Variants in NPAS3 observed in about 807,000 individuals in gnomAD.
NPAS3 encodes neuronal PAS domain-containing protein 3.
Under a neutral mutation model 73.1 loss-of-function variants are expected in NPAS3, and 14 were observed. The observed-to-expected ratio is 0.19, with a 90% CI of 0.13 to 0.30. NPAS3 has a LOEUF of 0.30. Among genes scored for constraint, NPAS3 ranks in the 10% least tolerant of loss-of-function variants. NPAS3 has a pLI of 1.00. For missense variants in NPAS3, 1,096 were observed against 1,250.0 expected, an observed-to-expected ratio of 0.88 and a Z score of 1.86; for synonymous variants, 620 against 541.5, an observed-to-expected ratio of 1.14 and a Z score of -2.01.
At chr14:33,066,421 C>G (rs764746734) in intron 2 of NPAS3, among the ~76,000 whole-genome samples, 1 of 152,062 alleles carries the variant, frequency 6.6e-6, no homozygotes, top group Non-Finnish European at 1.5e-5. Flanking sequence ...TTATATGATG[C>G]TTGTAGGAAT....
intron 2 of NPAS3, among the ~76,000 whole-genome samples, chr14:33,201,858 T>A (rs2046631724): frequency 6.6e-6 from 1 of 152,182 alleles, no homozygotes; most frequent in African/African-American, 2.4e-5. Flanking sequence ...CTTTCCTCCA[T>A]CTGAGAACTC....
At chr14:33,198,100 G>C (rs1400979586) in intron 2 of NPAS3, among the ~76,000 whole-genome samples, 2 of 152,076 alleles carry the variant, frequency 1.3e-5, no homozygotes, top group Non-Finnish European at 2.9e-5. Context: ...CCTCCCAGTG[G>C]GGGGTTCGTG....
At chr14:33,615,308 T>G (rs999987726) in intron 5 of NPAS3, among the ~76,000 whole-genome samples, 3 of 152,088 alleles carry the variant, frequency 2.0e-5, no homozygotes, top group African/African-American at 7.2e-5. Context: ...CCAAGTTCAA[T>G]TTGGCTGCAG....
intron 2 of NPAS3, among the ~76,000 whole-genome samples, chr14:33,082,553 T>G (rs150475444): frequency 2.6e-5 from 4 of 152,218 alleles, no homozygotes; most frequent in Non-Finnish European, 5.9e-5. Flanking sequence ...TGTTGTGACG[T>G]TTAGAAGACT....
At position 33,111,161 on chromosome 14, in the gene NPAS3, G is replaced by A. The variant is rs112176414; in HGVS notation, c.140+55167G>A. 6.2e-3 allele frequency among the ~76,000 whole-genome samples: 951 copies of A among 152,318 alleles called. 11 individuals carry two copies. The highest frequency in any genetic ancestry group is 0.022 in the African/African-American group (914 of 41,566). ...CTGTTGGGGAGAAGAAACTGCTGGG[G>A]TGATACTCACTGAGCCAGGCAGAAA... On this transcript the variant is annotated intron_variant, in intron 2 of 11. Coordinates refer to ENST00000356141, the Ensembl canonical transcript of NPAS3.
chr14:33,022,660 G>T lies in NPAS3; in HGVS notation c.51-33245G>T, dbSNP rs1376092004. Among the ~76,000 whole-genome samples the T allele has an allele frequency of 6.6e-4, 47 of 71,212 alleles. No individual in the cohort carries two copies. In the East Asian group the frequency reaches 0.013, roughly 20 times the overall value. The allele number at this position is 71,212 out of a possible 152,430, so 46.7% of individuals were successfully genotyped here. ...AGCCTGGGCGACAGAGCGAGACTCC[G>T]TCCCAAAAAAAAAAAAAAAAAAAAA... is the stretch of plus-strand genomic sequence containing the variant. On this transcript the variant is annotated intron_variant, in intron 1 of 11. Coordinates refer to ENST00000356141, the Ensembl canonical transcript of NPAS3.
chr14:33,647,239 A>G (rs542738734), intron 5 of NPAS3, among the ~76,000 whole-genome samples: 2 of 152,064 alleles, frequency 1.3e-5, no homozygotes, highest in South Asian at 4.2e-4. Flanking sequence ...AAGCAATTTC[A>G]TACACTTACT....
chr14:33,652,900 C>T (rs1406300129), intron 5 of NPAS3, among the ~76,000 whole-genome samples: 2 of 148,124 alleles, frequency 1.4e-5, no homozygotes, highest in Non-Finnish European at 3.0e-5. Context: ...CCATTTCTCA[C>T]CCCCGTGACC....
chr14:33,651,210 C>T (rs567053533), intron 5 of NPAS3, among the ~76,000 whole-genome samples: 11 of 152,268 alleles, frequency 7.2e-5, no homozygotes, highest in South Asian at 4.1e-4. Context: ...TCCTTTCTCC[C>T]GCCAAAGTGC....
chr14:33,037,516 A>C (rs1376163146), intron 1 of NPAS3, among the ~76,000 whole-genome samples: 1 of 151,754 alleles, frequency 6.6e-6, no homozygotes, highest in African/African-American at 2.4e-5. Context: ...AAAAGAAAAA[A>C]TTAGGTTGGT....
intron 5 of NPAS3, among the ~76,000 whole-genome samples, chr14:33,658,291 A>T (rs1218103036): frequency 1.3e-5 from 2 of 152,220 alleles, no homozygotes; most frequent in Admixed American, 1.3e-4. Context: ...GTGAAGACAG[A>T]TAGAGGAGAA....
chr14:32,975,728 G>A (rs1476575241), intron 1 of NPAS3, among the ~76,000 whole-genome samples: 1 of 151,966 alleles, frequency 6.6e-6, no homozygotes, highest in Non-Finnish European at 1.5e-5. Flanking sequence ...GATCATGAAG[G>A]ATTGATAGCT....
intron 3 of NPAS3, among the ~76,000 whole-genome samples, chr14:33,351,720 T>C (rs1474465064): frequency 6.6e-6 from 1 of 152,208 alleles, no homozygotes; most frequent in Non-Finnish European, 1.5e-5. Context: ...TTTTCATATA[T>C]GCCAAGATAC....
At chr14:33,434,388 A>T (rs576592926) in intron 4 of NPAS3, among the ~76,000 whole-genome samples, 1 of 151,786 alleles carries the variant, frequency 6.6e-6, no homozygotes, top group South Asian at 2.1e-4. Flanking sequence ...TTAGTCAGGC[A>T]TGGTGGTGCA....
chr14:33,500,315 G>A (rs1255151369), intron 4 of NPAS3, among the ~76,000 whole-genome samples: 1 of 151,860 alleles, frequency 6.6e-6, no homozygotes, highest in African/African-American at 2.4e-5. Flanking sequence ...GTTCTCTGAA[G>A]GTAAAGCTAC....
intron 4 of NPAS3, among the ~76,000 whole-genome samples, chr14:33,550,918 A>C (rs2055080755): frequency 1.3e-5 from 2 of 152,206 alleles, no homozygotes; most frequent in African/African-American, 4.8e-5. Context: ...TTTAAAAACA[A>C]TTCTAAGCAT....
At chr14:33,592,738 G>C (rs2057112128) in intron 5 of NPAS3, among the ~76,000 whole-genome samples, 1 of 152,216 alleles carries the variant, frequency 6.6e-6, no homozygotes, top group African/African-American at 2.4e-5. Flanking sequence ...ATATTGTTTT[G>C]ATGGAAATGT....
chr14:33,521,746 T>C (rs2053567714), intron 4 of NPAS3, among the ~76,000 whole-genome samples: 1 of 152,160 alleles, frequency 6.6e-6, no homozygotes, highest in African/African-American at 2.4e-5. Context: ...AAGGGTATTG[T>C]AGGTTAGCAG....
intron 3 of NPAS3, among the ~76,000 whole-genome samples, chr14:33,327,017 A>T (rs1237280806): frequency 2.6e-5 from 4 of 152,236 alleles, no homozygotes; most frequent in Non-Finnish European, 4.4e-5. Flanking sequence ...GTTGTAATTG[A>T]TGTATATATT....
Sources: allele counts gnomAD v4.1 joint callset (sites outside exome capture counted in the v4.1 genomes callset), GRCh38; gene constraint gnomAD v4.1.1; transcripts MANE v1.5; gene names NCBI Gene and HGNC (gene_info 2026-07-23, HGNC 2026-07-21).